PPFIBP1: variants seen among roughly 807,000 people sequenced by gnomAD.
PPFIBP1 encodes liprin-beta-1.
A neutral mutation model predicts 137.8 loss-of-function variants in PPFIBP1; 112 were observed. That is an observed-to-expected ratio of 0.81 (90% CI 0.70 to 0.95). The LOEUF (loss-of-function observed/expected upper bound fraction) is 0.95. Among genes scored for constraint, PPFIBP1 ranks in the 40% least tolerant of loss-of-function variants. PPFIBP1 has a pLI of 0.00. For missense variants in PPFIBP1, 1,083 were observed against 1,196.6 expected (o/e 0.91, Z 1.40); for synonymous variants, 378 against 417.3 (o/e 0.91, Z 1.15).
At chr12:27,649,471 C>T in intron 6 of PPFIBP1, among the ~76,000 whole-genome samples, 1 of 152,202 alleles carries the variant, frequency 6.6e-6, no homozygotes, top group Non-Finnish European at 1.5e-5. Flanking sequence ...ATCTACACAA[C>T]ATATGTCTCC....
Position 27,585,705 on chromosome 12 carries a change from G to C in PPFIBP1, c.-36+7466G>C, listed in dbSNP as rs1178696446. 2.6e-5 allele frequency among the ~76,000 whole-genome samples: 4 copies of C among 152,222 alleles called. 1 individual carries two copies. ...TGAAGTGCTGTGGTGGCACAAGGCAGAGTGAGGTTAATTCCAACCTGCTCT... is the reference window on the plus strand; with the variant it reads ...TGAAGTGCTGTGGTGGCACAAGGCACAGTGAGGTTAATTCCAACCTGCTCT... On this transcript the variant is annotated intron_variant, in intron 2 of 29. Coordinates refer to ENST00000228425, the MANE Select transcript of PPFIBP1 (RefSeq NM_003622.4).
At chr12:27,653,432 C>G (rs1260374127) in intron 7 of PPFIBP1, among the ~76,000 whole-genome samples, 1 of 151,840 alleles carries the variant, frequency 6.6e-6, no homozygotes, top group Non-Finnish European at 1.5e-5. Flanking sequence ...ACTAAAAATA[C>G]AAAAATTATC....
intron 24 of PPFIBP1, among the ~76,000 whole-genome samples, chr12:27,686,777 C>G (rs2061228194): frequency 6.6e-6 from 1 of 152,006 alleles, no homozygotes; most frequent in African/African-American, 2.4e-5. Flanking sequence ...TGCCTCACGC[C>G]TGTAATCCCA....
At chr12:27,661,483 C>T (rs1308021060) in intron 11 of PPFIBP1, among the ~76,000 whole-genome samples, 1 of 152,166 alleles carries the variant, frequency 6.6e-6, no homozygotes, top group African/African-American at 2.4e-5. Context: ...TTTCCTCCCC[C>T]CCCAGTTGGT....
intron 1 of PPFIBP1, among the ~76,000 whole-genome samples, chr12:27,562,246 A>T (rs1015016755): frequency 6.6e-6 from 1 of 152,146 alleles, no homozygotes; most frequent in Admixed American, 6.6e-5. Context: ...TCTGGCACAT[A>T]GAAGATGCTC....
At chr12:27,581,065 T>G (rs144206279) in intron 2 of PPFIBP1, among the ~76,000 whole-genome samples, 45 of 152,232 alleles carry the variant, frequency 3.0e-4, no homozygotes, top group African/African-American at 1.1e-3. Flanking sequence ...CGGCTAGTTT[T>G]TAAATTTTTT....
intron 1 of PPFIBP1, among the ~76,000 whole-genome samples, chr12:27,525,002 C>T (rs1009539864): frequency 6.6e-6 from 1 of 152,004 alleles, no homozygotes; most frequent in African/African-American, 2.4e-5. Context: ...CCTTCAGCTG[C>T]CAGCTTTATA....
At chr12:27,554,182 A>G (rs2136245098) in intron 1 of PPFIBP1, among the ~76,000 whole-genome samples, 1 of 152,356 alleles carries the variant, frequency 6.6e-6, no homozygotes, top group East Asian at 1.9e-4. Flanking sequence ...GATAATGCAC[A>G]GCCTGGTGTA....
intron 6 of PPFIBP1, among the ~76,000 whole-genome samples, chr12:27,648,733 A>G (rs2058696656): frequency 6.6e-6 from 1 of 152,226 alleles, no homozygotes; most frequent in South Asian, 2.1e-4. Context: ...TTATGTGTGA[A>G]ATAAGCCAAG....
intron 4 of PPFIBP1, among the ~76,000 whole-genome samples, chr12:27,642,247 A>G (rs902022968): frequency 9.2e-5 from 14 of 152,250 alleles, no homozygotes; most frequent in Non-Finnish European, 1.8e-4. Flanking sequence ...CTGACTCTGC[A>G]TACACACTAT....
chr12:27,678,464 T>G (rs1471110233), intron 19 of PPFIBP1, among the ~76,000 whole-genome samples: 1 of 152,208 alleles, frequency 6.6e-6, no homozygotes, highest in Non-Finnish European at 1.5e-5. Flanking sequence ...TGATTTGATG[T>G]AAATGCCAAA....
chr12:27,685,427 A>C (rs1421691710), intron 24 of PPFIBP1, among the ~76,000 whole-genome samples: 1 of 152,080 alleles, frequency 6.6e-6, no homozygotes, highest in Admixed American at 6.6e-5. Flanking sequence ...AGTCATAGAG[A>C]GTTTGAACTC....
intron 8 of PPFIBP1, chr12:27,655,212 G>T: frequency 6.5e-7 from 1 of 1,534,272 alleles, no homozygotes; most frequent in Non-Finnish European, 8.7e-7. Flanking sequence ...GCAGCGGATG[G>T]AACAAAAATG....
In PPFIBP1 at chr12:27,563,608, G is replaced by A. The variant is rs1397917193; in HGVS notation, c.-123-14544G>A. On this transcript the variant is annotated intron_variant, in intron 1 of 29. Transcript: ENST00000228425. ...TTGAAGGGACCATAAGCCAAGGAATGCAGGTGATCCCTTGAAGTTGAGAAC... is the reference window on the plus strand; with the variant it reads ...TTGAAGGGACCATAAGCCAAGGAATACAGGTGATCCCTTGAAGTTGAGAAC... Among the ~76,000 whole-genome samples the A allele has an allele frequency of 4.6e-5, 7 of 152,204 alleles. No individual in the cohort carries two copies. In the South Asian group the frequency reaches 1.2e-3, roughly 27 times the overall value.
intron 2 of PPFIBP1, among the ~76,000 whole-genome samples, chr12:27,584,843 G>A (rs1049175504): frequency 4.6e-5 from 7 of 152,182 alleles, no homozygotes; most frequent in Non-Finnish European, 8.8e-5. Flanking sequence ...GGCATGAAAG[G>A]TAGTAATGGC....
rs1014305488 is a variant in PPFIBP1 at position 27,694,542 on chromosome 12, C to T, written c.*1660C>T. Reference sequence around the variant, plus strand: ...TTAAAAAGTTGAATATTTGTCTGAACATTTTATTTCAAAGTTCAAAAAAAC... The same window carrying T: ...TTAAAAAGTTGAATATTTGTCTGAATATTTTATTTCAAAGTTCAAAAAAAC... On this transcript the variant is annotated 3_prime_UTR_variant, in exon 30 of 30. Coordinates refer to ENST00000228425, the MANE Select transcript of PPFIBP1 (RefSeq NM_003622.4). The T allele has an allele frequency of 1.3e-5, 2 of 152,058 alleles. No individual in the cohort carries two copies. The highest frequency in any genetic ancestry group is 2.1e-4 in the South Asian group (1 of 4,832). 9.4% of individuals were successfully genotyped at this position (152,058 alleles called of 1,614,324 possible).
At position 27,672,531 on chromosome 12, in the gene PPFIBP1, AAG is replaced by A. The variant is rs1491273199; in HGVS notation, c.1319+53_1319+54del. ...TGAAAAATGTGATTGAGGCTAGAGA[AAG>A]AGAGTTCTGTTATACTAACAATTAC... is the stretch of plus-strand genomic sequence containing the variant. On this transcript the variant is annotated intron_variant, in intron 15 of 29. Transcript: ENST00000228425. The A allele has an allele frequency of 8.2e-5, 114 of 1,394,852 alleles. No homozygotes were observed. In the Middle Eastern group the frequency reaches 1.2e-3, roughly 15 times the overall value. 86.4% of individuals were successfully genotyped at this position (1,394,852 alleles called of 1,614,324 possible). A position where few individuals can be genotyped will look rare whatever the true frequency, so the allele number is the denominator to read the frequency against.
chr12:27,664,328 T>G (rs1306958998), intron 11 of PPFIBP1, 34 bp from the exon 12 acceptor site: 1 of 1,374,158 alleles, frequency 7.3e-7, no homozygotes, highest in Admixed American at 1.7e-5. Context: ...TTTAAGAACA[T>G]AGGATTAAAG....
intron 1 of PPFIBP1, among the ~76,000 whole-genome samples, chr12:27,527,079 CT>C (rs1943841938): frequency 6.6e-6 from 1 of 152,064 alleles, no homozygotes; most frequent in Admixed American, 6.6e-5. Flanking sequence ...CAGTTACTGA[CT>C]AGCTGACTTC....
Sources: gnomAD v4.1 joint callset for allele counts (sites outside exome capture counted in the v4.1 genomes callset) on GRCh38, gnomAD v4.1.1 for gene constraint, MANE v1.5 for transcripts, NCBI Gene and HGNC (gene_info 2026-07-23, HGNC 2026-07-21) for gene names.